Variants in PCBD2 observed in about 807,000 individuals in gnomAD.
PCBD2 encodes the protein pterin-4-alpha-carbinolamine dehydratase 2.
Under a neutral mutation model 16.4 loss-of-function variants are expected in PCBD2, and 12 were observed. That is an observed-to-expected ratio of 0.73 (90% CI 0.47 to 1.19). The LOEUF is 1.19. Among genes scored for constraint, PCBD2 ranks in the 50% most tolerant of loss-of-function variants. The pLI is 0.00. For missense variants in PCBD2, 138 were observed against 156.8 expected (o/e 0.88, Z 0.64); for synonymous variants, 58 against 61.8 (o/e 0.94, Z 0.29).
rs1364563681 is a variant in PCBD2 at position 134,927,553 on chromosome 5, T to C, written c.216+17087T>C. ...GTGTTGTGGGTGTAGATTAGTGCGA[T>C]GAGTAGGGGGAGGGAGCCTACTAGG... On this transcript the variant is annotated intron_variant, in intron 2 of 3. Transcript: ENST00000254908. 1.5e-5 allele frequency: 6 copies of C among 397,196 alleles called. No individual in the cohort carries two copies. The Admixed American group carries it at 2.7e-4, about 18-fold the overall frequency. 24.6% of individuals were successfully genotyped at this position (397,196 alleles called of 1,614,324 possible). A position where few individuals can be genotyped will look rare whatever the true frequency, so the allele number is the denominator to read the frequency against.
chr5:134,943,079 C>T (rs13360930), intron 2 of PCBD2, among the ~76,000 whole-genome samples: 2,268 of 152,276 alleles, frequency 0.015, 57 homozygotes, highest in African/African-American at 0.052. Flanking sequence ...AGTTTCCATA[C>T]AGCATAAATC....
intron 2 of PCBD2, among the ~76,000 whole-genome samples, chr5:134,920,509 G>A (rs946513152): frequency 1.3e-5 from 2 of 152,256 alleles, no homozygotes; most frequent in Non-Finnish European, 2.9e-5. Flanking sequence ...AACAAACAAA[G>A]CTGTACTTGT....
intron 1 of PCBD2, among the ~76,000 whole-genome samples, chr5:134,909,181 C>T (rs189202562): frequency 2.6e-5 from 4 of 152,334 alleles, no homozygotes; most frequent in African/African-American, 7.2e-5. Flanking sequence ...CCCCAGGATG[C>T]GTAGAAACAG....
At chr5:134,925,130 T>TAA (rs1750969491) in intron 2 of PCBD2, 1 of 397,770 alleles carries the variant, frequency 2.5e-6, no homozygotes, top group African/African-American at 2.1e-5. Flanking sequence ...TTGTTTTCGT[T>TAA]AATGTTAGTG....
At position 134,961,620 on chromosome 5, in the gene PCBD2, G is replaced by A. The variant is rs1043748274; in HGVS notation, c.*939G>A. Among the ~76,000 whole-genome samples, 10 of 152,092 alleles carry A rather than the reference G, an allele frequency of 6.6e-5. No homozygotes were observed. Among genetic ancestry groups the A allele is most frequent in the African/African-American group, 9.7e-5 (4 of 41,394 alleles). ...TCTTAAATTCAAGAAATTGGGATGG[G>A]GAGTATTCACACATTTTATAACCCA... On this transcript the variant is annotated 3_prime_UTR_variant, in exon 4 of 4. Coordinates refer to ENST00000254908, the MANE Select transcript of PCBD2 (RefSeq NM_032151.5).
At chr5:134,958,115 G>T (rs1418197361) in intron 2 of PCBD2, among the ~76,000 whole-genome samples, 1 of 152,114 alleles carries the variant, frequency 6.6e-6, no homozygotes, top group East Asian at 1.9e-4. Context: ...CCCTGTGAAT[G>T]CCACTCTAAC....
chr5:134,929,514 C>T (rs373578724), intron 2 of PCBD2, among the ~76,000 whole-genome samples: 2 of 151,820 alleles, frequency 1.3e-5, no homozygotes, highest in African/African-American at 4.8e-5. Flanking sequence ...CATCAGTGAC[C>T]GTAGCAAAGT....
chr5:134,938,653 G>A (rs1192053878), intron 2 of PCBD2, among the ~76,000 whole-genome samples: 1 of 152,076 alleles, frequency 6.6e-6, no homozygotes, highest in Non-Finnish European at 1.5e-5. Flanking sequence ...GAAGGGGGAG[G>A]GGATAGAGTT....
At chr5:134,959,208 C>T in intron 3 of PCBD2, 88 bp downstream of exon 3, 2 of 965,478 alleles carry the variant, frequency 2.1e-6, no homozygotes, top group East Asian at 2.6e-5. Context: ...AGCTAAATGT[C>T]ATTGTACTTA....
At chr5:134,907,921 C>CTT (rs1187907367) in intron 1 of PCBD2, among the ~76,000 whole-genome samples, 21 of 122,100 alleles carry the variant, frequency 1.7e-4, no homozygotes, top group African/African-American at 5.4e-4. Context: ...CACGCCCGGA[C>CTT]TTTTTTTTTT....
intron 2 of PCBD2, among the ~76,000 whole-genome samples, chr5:134,929,787 G>A (rs1751070105): frequency 6.6e-6 from 1 of 152,098 alleles, no homozygotes. Context: ...CAACTCCTGG[G>A]CTCAAGTGAT....
chr5:134,926,519 T>C, intron 2 of PCBD2: 1 of 395,460 alleles, frequency 2.5e-6, no homozygotes, highest in Non-Finnish European at 4.5e-6. Flanking sequence ...ATGGCTGTTA[T>C]CCTTTAAAAG....
intron 2 of PCBD2, among the ~76,000 whole-genome samples, chr5:134,915,909 C>G (rs758101738): frequency 1.3e-5 from 2 of 152,124 alleles, no homozygotes; most frequent in Non-Finnish European, 2.9e-5. Context: ...GGCCTGAGCT[C>G]TACAGACTGG....
At chr5:134,907,049 A>G (rs1412273506) in intron 1 of PCBD2, among the ~76,000 whole-genome samples, 1 of 152,182 alleles carries the variant, frequency 6.6e-6, no homozygotes, top group Non-Finnish European at 1.5e-5. Context: ...CATACCACTG[A>G]TCTTAGCGGG....
At chr5:134,908,192 G>A (rs1455715366) in intron 1 of PCBD2, among the ~76,000 whole-genome samples, 1 of 149,010 alleles carries the variant, frequency 6.7e-6, no homozygotes, top group African/African-American at 2.5e-5. Context: ...AAAGTGCCAG[G>A]ATTACAGATG....
chr5:134,937,542 A>G (rs904049924), intron 2 of PCBD2, among the ~76,000 whole-genome samples: 1 of 152,252 alleles, frequency 6.6e-6, no homozygotes, highest in African/African-American at 2.4e-5. Context: ...TACCTGCCAA[A>G]AGCACATCAG....
At chr5:134,924,790 C>A in intron 2 of PCBD2, 1 of 393,480 alleles carries the variant, frequency 2.5e-6, no homozygotes, top group South Asian at 1.3e-4. Flanking sequence ...CTTTTCTAGT[C>A]AGGCCAGGTC....
chr5:134,919,147 T>G (rs2149531634), intron 2 of PCBD2, among the ~76,000 whole-genome samples: 1 of 152,380 alleles, frequency 6.6e-6, no homozygotes, highest in East Asian at 1.9e-4. Flanking sequence ...AGCCTGAGTA[T>G]TTTGTTAAAG....
intron 2 of PCBD2, among the ~76,000 whole-genome samples, chr5:134,920,082 C>T (rs917622737): frequency 6.6e-6 from 1 of 152,206 alleles, no homozygotes; most frequent in Non-Finnish European, 1.5e-5. Context: ...GTTCTTCTTC[C>T]TGGCTTTGAG....
Sources: allele counts gnomAD v4.1 joint callset (sites outside exome capture counted in the v4.1 genomes callset), GRCh38; gene constraint gnomAD v4.1.1; transcripts MANE v1.5; gene names NCBI Gene and HGNC (gene_info 2026-07-23, HGNC 2026-07-21).